EXT2: variants seen among roughly 807,000 people sequenced by gnomAD.
EXT2 encodes exostosin glycosyltransferase 2, also known as exostosin-2.
In EXT2, 53 loss-of-function variants were observed where a neutral mutation model predicts 81.6. That is an observed-to-expected ratio of 0.65 (90% CI 0.52 to 0.82). EXT2 has a LOEUF of 0.82. Among genes scored for constraint, EXT2 ranks in the 40% least tolerant of loss-of-function variants. The pLI is 0.00. For missense variants in EXT2, 774 were observed against 910.2 expected, an observed-to-expected ratio of 0.85 and a Z score of 1.93; for synonymous variants, 320 against 340.0, an observed-to-expected ratio of 0.94 and a Z score of 0.65.
intron 8 of EXT2, among the ~76,000 whole-genome samples, chr11:44,186,651 G>C (rs1955314548): frequency 6.6e-6 from 1 of 152,178 alleles, no homozygotes; most frequent in Non-Finnish European, 1.5e-5. Context: ...TTTTCAAGAG[G>C]CATTCAAATG....
intron 12 of EXT2, among the ~76,000 whole-genome samples, chr11:44,234,688 T>A (rs1955940840): frequency 6.6e-6 from 1 of 152,182 alleles, no homozygotes; most frequent in Non-Finnish European, 1.5e-5. Flanking sequence ...TTAATTGCTT[T>A]TAAATATCAA....
intron 8 of EXT2, among the ~76,000 whole-genome samples, chr11:44,195,947 C>A (rs562909610): frequency 5.9e-5 from 9 of 152,090 alleles, no homozygotes; most frequent in Middle Eastern, 3.4e-3. Context: ...ATGTAATATA[C>A]CAAAACCATT....
intron 7 of EXT2, among the ~76,000 whole-genome samples, chr11:44,132,748 C>A (rs983232653): frequency 1.9e-4 from 29 of 152,226 alleles, no homozygotes; most frequent in Admixed American, 1.2e-3. Flanking sequence ...TTGGCACTTT[C>A]CCGGCCCCCT....
Position 44,244,575 on chromosome 11 carries a change from T to C in EXT2, c.*288T>C. 1 of 459,672 alleles carries C rather than the reference T, an allele frequency of 2.2e-6. No homozygotes were observed. Among genetic ancestry groups the C allele is most frequent in the Non-Finnish European group, 4.0e-6 (1 of 248,312 alleles). 28.5% of individuals were successfully genotyped at this position (459,672 alleles called of 1,614,324 possible). ...GGCATGCTCCAGATTTAAATCCAGC[T>C]GAGGCTCCCTTTGTTTTCAGTTCCA... On this transcript the variant is annotated 3_prime_UTR_variant, in exon 14 of 14. Coordinates refer to ENST00000533608, the MANE Select transcript of EXT2 (RefSeq NM_207122.2).
At chr11:44,206,368 C>T (rs540872743) in intron 9 of EXT2, among the ~76,000 whole-genome samples, 1 of 152,290 alleles carries the variant, frequency 6.6e-6, no homozygotes, top group African/African-American at 2.4e-5. Flanking sequence ...GGGTAGAGTT[C>T]TGATATTAAA....
chr11:44,171,409 T>C (rs1317859214), intron 7 of EXT2, among the ~76,000 whole-genome samples: 2 of 152,250 alleles, frequency 1.3e-5, no homozygotes, highest in East Asian at 3.8e-4. Flanking sequence ...CTTGCTAACA[T>C]TTTATTTTGA....
intron 8 of EXT2, among the ~76,000 whole-genome samples, chr11:44,175,693 C>T (rs1391048133): frequency 6.6e-6 from 1 of 152,172 alleles, no homozygotes; most frequent in East Asian, 1.9e-4. Flanking sequence ...AAGTTTTAAG[C>T]ACCTTAAGGT....
intron 1 of EXT2, among the ~76,000 whole-genome samples, chr11:44,099,137 G>C (rs1471515116): frequency 6.6e-6 from 1 of 152,066 alleles, no homozygotes; most frequent in Non-Finnish European, 1.5e-5. Context: ...AAGTAGCTGG[G>C]AGTGTAGTCG....
In EXT2 at chr11:44,220,236, C is replaced by A. The variant is rs142298664; in HGVS notation, c.1663-12117C>A. On this transcript the variant is annotated intron_variant, in intron 10 of 13. Coordinates refer to ENST00000533608, the MANE Select transcript of EXT2 (RefSeq NM_207122.2). This position sits in a 1 kb window ranked among gnomAD's most constrained non-coding sequence, Gnocchi z 4.4. ...TACAGTGTAACTAGGACCAGTTTGC[C>A]AAAGTTGAGCTTTTAGAAAACCATA... Among the ~76,000 whole-genome samples, 3 of 152,128 alleles carry A rather than the reference C, an allele frequency of 2.0e-5. No homozygotes were observed. Among genetic ancestry groups the A allele is most frequent in the African/African-American group, 4.8e-5 (2 of 41,428 alleles).
rs1219986144 is a variant in EXT2, at chr11:44,244,835, G to C, written c.*548G>C. ...GGAGTGCTGGGCTTGTGCACAGGAA[G>C]AGCACCAGCCGCTGAGTCAGGATCC... On this transcript the variant is annotated 3_prime_UTR_variant, in exon 14 of 14. Transcript: ENST00000533608. The C allele has an allele frequency of 4.2e-6, 1 of 240,078 alleles. No individual in the cohort carries two copies. Among genetic ancestry groups the C allele is most frequent in the South Asian group, 1.6e-4 (1 of 6,286 alleles). The allele number at this position is 240,078 out of a possible 1,614,324, so 14.9% of individuals were successfully genotyped here.
chr11:44,110,399 C>G (rs1590551250), intron 3 of EXT2, among the ~76,000 whole-genome samples: 2 of 152,162 alleles, frequency 1.3e-5, no homozygotes, highest in African/African-American at 4.8e-5. Context: ...CGATAGAGGG[C>G]AGTCCGGGTG....
chr11:44,168,015 C>T (rs1428734790), intron 7 of EXT2, among the ~76,000 whole-genome samples: 4 of 141,984 alleles, frequency 2.8e-5, no homozygotes, highest in African/African-American at 1.0e-4. Context: ...TGTTCCCCTT[C>T]CTTAGTCCAA....
intron 8 of EXT2, among the ~76,000 whole-genome samples, chr11:44,175,131 A>T (rs1367062158): frequency 6.6e-6 from 1 of 152,188 alleles, no homozygotes; most frequent in East Asian, 1.9e-4. Flanking sequence ...GTGGGACCAG[A>T]CTGGAGGCAG....
chr11:44,178,745 C>T lies in EXT2; in HGVS notation c.1305+7003C>T, dbSNP rs188343163. Among the ~76,000 whole-genome samples, 44 of 152,194 alleles carry T rather than the reference C, an allele frequency of 2.9e-4. No homozygotes were observed. The East Asian group carries it at 8.5e-3, about 29-fold the overall frequency. The stretch of plus-strand genomic sequence containing the variant: ...GAATTTGAAAGCCTACCCTGCCCCC[C>T]AGGAGGCCTTCTTGGCTTATTCTCT... On this transcript the variant is annotated intron_variant, in intron 8 of 13. Transcript: ENST00000533608.
At chr11:44,186,982 T>TTTCCTCCCTTCCTTCC (rs1555015144) in intron 8 of EXT2, among the ~76,000 whole-genome samples, 4 of 78,756 alleles carry the variant, frequency 5.1e-5, no homozygotes, top group African/African-American at 2.0e-4. Context: ...TTGTACAAAA[T>TTTCCTCCCTTCCTTCC]TTCCTTCCTT....
intron 3 of EXT2, among the ~76,000 whole-genome samples, chr11:44,109,560 G>A (rs1954112536): frequency 6.6e-6 from 1 of 152,194 alleles, no homozygotes; most frequent in South Asian, 2.1e-4. Flanking sequence ...AAGTGTGACA[G>A]GCTTGTGCTA....
At chr11:44,232,521 G>T (rs1371964077) in intron 11 of EXT2, 25 bp downstream of exon 11, 1 of 1,613,322 alleles carries the variant, frequency 6.2e-7, no homozygotes, top group Non-Finnish European at 8.5e-7. Context: ...TCCTGGCAAG[G>T]TGACAAAACT....
intron 7 of EXT2, among the ~76,000 whole-genome samples, chr11:44,130,626 C>T (rs1954478736): frequency 6.6e-6 from 1 of 152,176 alleles, no homozygotes; most frequent in South Asian, 2.1e-4. Flanking sequence ...TCTCTTCTAC[C>T]TTCTGACACC....
chr11:44,206,908 T>C lies in EXT2; in HGVS notation c.1611T>C (p.Ile537=), dbSNP rs751937442. The change falls in exon 10 of 14, where the codon ATT becomes ATC. Residue 537 remains isoleucine (I), a synonymous_variant. Coordinates refer to ENST00000533608, the MANE Select transcript of EXT2 (RefSeq NM_207122.2). The part of the protein sequence containing the change: ...DEIETEAVLA[I]DDDIIMLTSD... ...TCGAGACAGAAGCTGTTCTGGCCATTGATGATGATATCATTATGCTGACCT... is the reference window on the plus strand; with the variant it reads ...TCGAGACAGAAGCTGTTCTGGCCATCGATGATGATATCATTATGCTGACCT... 2 of 1,614,180 alleles carry C rather than the reference T, an allele frequency of 1.2e-6. No homozygotes were observed. The highest frequency in any genetic ancestry group is 3.3e-5 in the Admixed American group (2 of 60,032).
Sources: allele counts gnomAD v4.1 joint callset (sites outside exome capture counted in the v4.1 genomes callset), GRCh38; gene constraint gnomAD v4.1.1; non-coding constraint Gnocchi (gnomAD v3.1); transcripts MANE v1.5; gene names NCBI Gene and HGNC (gene_info 2026-07-23, HGNC 2026-07-21).